Variants in RIMS2 observed in about 807,000 individuals in gnomAD.
The protein encoded by RIMS2 is regulating synaptic membrane exocytosis protein 2.
In RIMS2, 59 loss-of-function variants were observed where a neutral mutation model predicts 174.4. The ratio of observed to expected loss-of-function variants is 0.34; its 90% CI spans 0.27 to 0.42. The LOEUF (loss-of-function observed/expected upper bound fraction) is 0.42. Among genes scored for constraint, RIMS2 ranks in the 10% least tolerant of loss-of-function variants. The probability of loss-of-function intolerance (pLI) is 1.00; values close to 1 mark genes in which losing one functional copy is unlikely to be tolerated. For synonymous variants in RIMS2, 606 were observed against 572.5 expected (o/e 1.06, Z -0.84); for missense variants, 1,620 against 1,666.3 (o/e 0.97, Z 0.48).
exon 22 of RIMS2, chr8:104,249,581 ACTG>A (rs1254221761): frequency 6.4e-7 from 1 of 1,569,036 alleles, no homozygotes; most frequent in Admixed American, 1.7e-5. Flanking sequence ...GTTCCAAGAC[ACTG>A]CCAGGTAAAA....
intron 19 of RIMS2, among the ~76,000 whole-genome samples, chr8:104,118,064 T>C (rs971563829): frequency 6.6e-6 from 1 of 152,162 alleles, no homozygotes; most frequent in Admixed American, 6.6e-5. Context: ...TATTTCAGCA[T>C]TGCAAACAAA....
At chr8:104,091,278 G>A (rs183933980) in intron 19 of RIMS2, among the ~76,000 whole-genome samples, 95 of 151,692 alleles carry the variant, frequency 6.3e-4, no homozygotes, top group Admixed American at 3.0e-3. Flanking sequence ...GAATTTAGAT[G>A]ATATAATAAT....
At chr8:103,511,475 C>A (rs1826405889) in intron 1 of RIMS2, among the ~76,000 whole-genome samples, 1 of 152,078 alleles carries the variant, frequency 6.6e-6, no homozygotes, top group Admixed American at 6.5e-5. Context: ...GGTTGAATAT[C>A]CATACTCTAC....
chr8:103,939,064 A>G (rs2081961206), intron 13 of RIMS2, among the ~76,000 whole-genome samples: 1 of 152,048 alleles, frequency 6.6e-6, no homozygotes, highest in Non-Finnish European at 1.5e-5. Flanking sequence ...AGATGGATCT[A>G]CCATTCTGGG....
chr8:104,064,280 T>G (rs2097062101), intron 19 of RIMS2, among the ~76,000 whole-genome samples: 1 of 152,248 alleles, frequency 6.6e-6, no homozygotes, highest in Non-Finnish European at 1.5e-5. Context: ...TTTAAGGAAA[T>G]AAGTTAAATC....
intron 4 of RIMS2, among the ~76,000 whole-genome samples, chr8:103,906,310 T>C (rs1470733716): frequency 6.6e-6 from 1 of 152,216 alleles, no homozygotes; most frequent in Non-Finnish European, 1.5e-5. Flanking sequence ...AATGGCACTG[T>C]CTCAGCTTAC....
intron 19 of RIMS2, among the ~76,000 whole-genome samples, chr8:104,137,156 G>T (rs1413511506): frequency 1.3e-5 from 2 of 152,146 alleles, no homozygotes; most frequent in East Asian, 3.8e-4. Flanking sequence ...TAGGAAATCT[G>T]AGGGACTGTT....
At chr8:103,631,191 G>T (rs2095910191) in intron 1 of RIMS2, among the ~76,000 whole-genome samples, 2 of 152,224 alleles carry the variant, frequency 1.3e-5, no homozygotes, top group South Asian at 2.1e-4. Flanking sequence ...TGAAATCTTT[G>T]CCTGTTCCTA....
At chr8:104,239,901 G>C (rs1181174888) in intron 19 of RIMS2, among the ~76,000 whole-genome samples, 1 of 152,140 alleles carries the variant, frequency 6.6e-6, no homozygotes, top group African/African-American at 2.4e-5. Context: ...GGTTCTAGGG[G>C]AGAAAATCAG....
chr8:104,041,389 T>G (rs1358581247), intron 19 of RIMS2, 31 bp downstream of exon 22: 1 of 683,864 alleles, frequency 1.5e-6, no homozygotes, highest in East Asian at 2.7e-5. Flanking sequence ...TTGTTATTAT[T>G]TTATTTATCT....
intron 3 of RIMS2, among the ~76,000 whole-genome samples, chr8:103,818,673 G>A (rs2098733099): frequency 6.6e-6 from 1 of 152,034 alleles, no homozygotes; most frequent in Admixed American, 6.6e-5. Flanking sequence ...AAGCTATAAT[G>A]TTTTTCTAAA....
At chr8:104,041,113 C>T (rs1274895462) in intron 19 of RIMS2, among the ~76,000 whole-genome samples, 1 of 151,534 alleles carries the variant, frequency 6.6e-6, no homozygotes, top group African/African-American at 2.4e-5. Flanking sequence ...TTTCTGAATC[C>T]GCTAACCTAT....
intron 17 of RIMS2, among the ~76,000 whole-genome samples, chr8:103,990,185 C>A (rs2094593377): frequency 6.6e-6 from 1 of 152,028 alleles, no homozygotes; most frequent in African/African-American, 2.4e-5. Context: ...TTGTATGCAT[C>A]CTAAACCGAT....
intron 2 of RIMS2, among the ~76,000 whole-genome samples, chr8:103,698,338 C>A (rs542815856): frequency 6.6e-6 from 1 of 152,196 alleles, no homozygotes; most frequent in Admixed American, 6.5e-5. Flanking sequence ...AGGGAGAAAG[C>A]CTTTAGTCTT....
At position 103,587,465 on chromosome 8, in the gene RIMS2, AAAG is replaced by A. The variant is rs1334761080; in HGVS notation, c.176+86406_176+86408del. Among the ~76,000 whole-genome samples, 3 of 89,560 alleles carry A rather than the reference AAAG, an allele frequency of 3.3e-5. 1 individual carries two copies. Among genetic ancestry groups the A allele is most frequent in the Non-Finnish European group, 7.3e-5 (3 of 41,124 alleles). The allele number at this position is 89,560 out of a possible 152,430, so 58.8% of individuals were successfully genotyped here. A position where few individuals can be genotyped will look rare whatever the true frequency, so the allele number is the denominator to read the frequency against. ...GAAAGAAAGAAAGAAAGAAAGAAAG[AAAG>A]AAACTATGCACCAATATTTCTGATG... On this transcript the variant is annotated intron_variant, in intron 1 of 23. Coordinates refer to ENST00000504942, the Ensembl canonical transcript of RIMS2.
intron 1 of RIMS2, among the ~76,000 whole-genome samples, chr8:103,553,652 A>T (rs118086460): frequency 0.065 from 9,945 of 152,232 alleles, 401 homozygotes; most frequent in South Asian, 0.087. Context: ...ATTCAGTGCT[A>T]TTCCTATCAT....
intron 1 of RIMS2, among the ~76,000 whole-genome samples, chr8:103,586,665 A>G (rs1311104468): frequency 6.6e-6 from 1 of 152,256 alleles, no homozygotes; most frequent in East Asian, 1.9e-4. Context: ...GAAAAATATA[A>G]TAATGCATCT....
intron 19 of RIMS2, among the ~76,000 whole-genome samples, chr8:104,052,034 A>G (rs2096795615): frequency 6.6e-6 from 1 of 152,204 alleles, no homozygotes; most frequent in African/African-American, 2.4e-5. Flanking sequence ...GACTGAAAAC[A>G]TTACTGAAGA....
At chr8:104,027,296 G>A (rs936208105) in intron 19 of RIMS2, among the ~76,000 whole-genome samples, 1 of 152,150 alleles carries the variant, frequency 6.6e-6, no homozygotes, top group Non-Finnish European at 1.5e-5. Context: ...TGAAATACTT[G>A]TAAATGAATA....
Sources: allele counts gnomAD v4.1 joint callset (sites outside exome capture counted in the v4.1 genomes callset), GRCh38; gene constraint gnomAD v4.1.1; transcripts MANE v1.5; gene names NCBI Gene and HGNC (gene_info 2026-07-23, HGNC 2026-07-21).